PSMB7: variants seen among roughly 807,000 people sequenced by gnomAD.
PSMB7 encodes proteasome 20S subunit beta 7.
In PSMB7, 5 loss-of-function variants were observed where a neutral mutation model predicts 28.1. The ratio of observed to expected loss-of-function variants is 0.18; its 90% confidence interval spans 0.09 to 0.37. The LOEUF is 0.37. Ranked by LOEUF, PSMB7 falls within the 10% of genes least tolerant of loss-of-function variation. The pLI is 1.00. For missense variants in PSMB7, 275 were observed against 346.2 expected (o/e 0.79, Z 1.63); for synonymous variants, 122 against 123.7 (o/e 0.99, Z 0.09).
intron 6 of PSMB7, among the ~76,000 whole-genome samples, chr9:124,374,180 T>C (rs961242807): frequency 6.6e-6 from 1 of 152,162 alleles, no homozygotes; most frequent in Admixed American, 6.5e-5. Flanking sequence ...ATGTCCAGAA[T>C]AGGCAAGTGT....
intron 5 of PSMB7, among the ~76,000 whole-genome samples, chr9:124,390,194 A>C (rs1830770215): frequency 6.6e-6 from 1 of 152,264 alleles, no homozygotes; most frequent in Non-Finnish European, 1.5e-5. Context: ...ATTAAAAAGA[A>C]TAATAGTGCT....
At chr9:124,362,213 AAAG>A (rs1252135008) in intron 6 of PSMB7, among the ~76,000 whole-genome samples, 1 of 152,376 alleles carries the variant, frequency 6.6e-6, no homozygotes, top group Non-Finnish European at 1.5e-5. Context: ...AATAATTTAA[AAAG>A]AAATAAAATT....
At chr9:124,390,384 C>CG (rs2131166652) in intron 5 of PSMB7, among the ~76,000 whole-genome samples, 1 of 151,526 alleles carries the variant, frequency 6.6e-6, no homozygotes, top group East Asian at 1.9e-4. Flanking sequence ...ACCCAAGTCA[C>CG]GTATCTTAAA....
chr9:124,364,458 A>ATG (rs1160962695), intron 6 of PSMB7, among the ~76,000 whole-genome samples: 1 of 152,050 alleles, frequency 6.6e-6, no homozygotes, highest in African/African-American at 2.4e-5. Flanking sequence ...GAAGAAATCA[A>ATG]TGTTCACAGC....
At chr9:124,380,976 T>G (rs982045105) in intron 6 of PSMB7, among the ~76,000 whole-genome samples, 5 of 152,234 alleles carry the variant, frequency 3.3e-5, no homozygotes, top group Non-Finnish European at 5.9e-5. Flanking sequence ...ATTAATATTT[T>G]TATTTAGCCA....
intron 5 of PSMB7, among the ~76,000 whole-genome samples, chr9:124,390,089 T>C (rs1390628134): frequency 6.6e-6 from 1 of 152,230 alleles, no homozygotes; most frequent in Non-Finnish European, 1.5e-5. Context: ...GGTAGAGGCC[T>C]ATATACATTA....
chr9:124,404,894 T>G (rs1265017463), intron 5 of PSMB7, among the ~76,000 whole-genome samples: 1 of 152,002 alleles, frequency 6.6e-6, no homozygotes, highest in East Asian at 1.9e-4. Context: ...TTACAATGAG[T>G]ATCATGTTAG....
At chr9:124,368,228 T>A (rs1258844729) in intron 6 of PSMB7, among the ~76,000 whole-genome samples, 1 of 152,232 alleles carries the variant, frequency 6.6e-6, no homozygotes, top group African/African-American at 2.4e-5. Context: ...GATTTGGTTT[T>A]TTCCACCCAA....
At chr9:124,362,935 G>A (rs867268936) in intron 6 of PSMB7, among the ~76,000 whole-genome samples, 8 of 152,224 alleles carry the variant, frequency 5.3e-5, no homozygotes, top group Middle Eastern at 3.4e-3. Flanking sequence ...ATTTGAAATA[G>A]CAAAAAATTC....
chr9:124,392,179 A>C (rs923428971), intron 5 of PSMB7, among the ~76,000 whole-genome samples: 5 of 152,220 alleles, frequency 3.3e-5, no homozygotes, highest in African/African-American at 1.2e-4. Flanking sequence ...TGAGAAGCGG[A>C]GCCAAGCTTT....
intron 3 of PSMB7, among the ~76,000 whole-genome samples, chr9:124,413,432 T>G (rs904316260): frequency 6.6e-6 from 1 of 151,930 alleles, no homozygotes; most frequent in African/African-American, 2.4e-5. Context: ...CTAAAAGCCA[T>G]GTGGAAATGT....
intron 6 of PSMB7, among the ~76,000 whole-genome samples, chr9:124,363,867 C>G (rs1830484677): frequency 6.6e-6 from 1 of 152,114 alleles, no homozygotes; most frequent in Non-Finnish European, 1.5e-5. Context: ...TGTCAGAACT[C>G]GCAGCCAGGA....
At chr9:124,387,572 G>C (rs1830739037) in intron 5 of PSMB7, among the ~76,000 whole-genome samples, 1 of 152,040 alleles carries the variant, frequency 6.6e-6, no homozygotes, top group Non-Finnish European at 1.5e-5. Context: ...TGAAATCAAA[G>C]ACAAGAGGGC....
chr9:124,399,659 T>C (rs370238290), intron 5 of PSMB7, among the ~76,000 whole-genome samples: 1 of 152,150 alleles, frequency 6.6e-6, no homozygotes, highest in East Asian at 1.9e-4. Context: ...ACTGCAACAC[T>C]GCAGCCAAGA....
chr9:124,368,196 TACCCAA>T (rs57096603), intron 6 of PSMB7, among the ~76,000 whole-genome samples: 54,820 of 151,688 alleles, frequency 0.36, 10,079 homozygotes, highest in Non-Finnish European at 0.4. Flanking sequence ...TCCACACATT[TACCCAA>T]ACAACGCTTT....
intron 5 of PSMB7, among the ~76,000 whole-genome samples, chr9:124,398,036 A>G (rs1830859263): frequency 6.6e-6 from 1 of 152,018 alleles, no homozygotes; most frequent in African/African-American, 2.4e-5. Context: ...GGCGTGGCTA[A>G]TTATAGGCAC....
At position 124,415,432 on chromosome 9, in the gene PSMB7, A is replaced by G. The variant is rs773319967; in HGVS notation, c.-7T>C. The G allele has an allele frequency of 1.2e-6, 2 of 1,614,048 alleles. No individual in the cohort carries two copies. The highest frequency in any genetic ancestry group is 1.7e-6 in the Non-Finnish European group (2 of 1,179,944). On this transcript the variant is annotated 5_prime_UTR_variant, in exon 1 of 8. Transcript: ENST00000259457. Reference sequence around the variant, plus strand: ...ACACCGACACAGCCGCCATCTTCCCAAGAAAGCAGTTCCGGGTCGGAGGCG... The same window carrying G: ...ACACCGACACAGCCGCCATCTTCCCGAGAAAGCAGTTCCGGGTCGGAGGCG...
chr9:124,371,544 A>G (rs1830562980), intron 6 of PSMB7, among the ~76,000 whole-genome samples: 1 of 152,246 alleles, frequency 6.6e-6, no homozygotes, highest in Non-Finnish European at 1.5e-5. Flanking sequence ...GAATAACAAA[A>G]GAGTATCTTT....
At chr9:124,377,913 T>G (rs1469555842) in intron 6 of PSMB7, among the ~76,000 whole-genome samples, 1 of 152,064 alleles carries the variant, frequency 6.6e-6, no homozygotes, top group Non-Finnish European at 1.5e-5. Flanking sequence ...ACACTAAGAC[T>G]AGGGGAAAAA....
Sources: gnomAD v4.1 joint callset for allele counts (sites outside exome capture counted in the v4.1 genomes callset) on GRCh38, gnomAD v4.1.1 for gene constraint, MANE v1.5 for transcripts, NCBI Gene and HGNC (gene_info 2026-07-23, HGNC 2026-07-21) for gene names.